ROBO2: variants seen among roughly 807,000 people sequenced by gnomAD.
ROBO2 encodes roundabout guidance receptor 2.
Under a neutral mutation model 160.8 loss-of-function variants are expected in ROBO2, and 53 were observed. That is an observed-to-expected ratio of 0.33 (90% confidence interval 0.26 to 0.41). The LOEUF is 0.41. Ranked by LOEUF, ROBO2 falls within the 10% of genes least tolerant of loss-of-function variation. ROBO2 has a pLI of 1.00. For synonymous variants in ROBO2, 664 were observed against 611.7 expected, an observed-to-expected ratio of 1.09 and a Z score of -1.26; for missense variants, 1,577 against 1,722.4, an observed-to-expected ratio of 0.92 and a Z score of 1.49.
rs148161107 is a variant in ROBO2 at position 76,410,664 on chromosome 3, G to A, written c.109+473062G>A. Among the ~76,000 whole-genome samples the A allele has an allele frequency of 9.2e-5, 14 of 152,236 alleles. No homozygotes were observed. The South Asian group carries it at 1.5e-3, about 16-fold the overall frequency. On this transcript the variant is annotated intron_variant, in intron 2 of 26. Coordinates refer to the ROBO2 transcript ENST00000487694. ...AATATAAGTTTGAACACCCGATTATGTAGAAGAAGAGAAATGTTTCTGCTT... is the reference window on the plus strand; with the variant it reads ...AATATAAGTTTGAACACCCGATTATATAGAAGAAGAGAAATGTTTCTGCTT...
intron 2 of ROBO2, among the ~76,000 whole-genome samples, chr3:77,475,135 C>CT (rs1044576818): frequency 1.1e-4 from 17 of 151,946 alleles, no homozygotes; most frequent in Admixed American, 7.2e-4. Context: ...AATGATATCA[C>CT]TAAACACAAA....
intron 2 of ROBO2, among the ~76,000 whole-genome samples, chr3:76,287,300 CTT>C (rs34290531): frequency 7.7e-5 from 11 of 141,946 alleles, no homozygotes; most frequent in Admixed American, 2.1e-4. Flanking sequence ...TTTTTCTTTT[CTT>C]TTTTTTTTTT....
intron 2 of ROBO2, among the ~76,000 whole-genome samples, chr3:76,746,113 T>C (rs1262543215): frequency 6.6e-6 from 1 of 151,804 alleles, no homozygotes; most frequent in African/African-American, 2.4e-5. Flanking sequence ...GATAGTTTAC[T>C]GAGAATGATG....
At chr3:77,422,820 G>A (rs971609802) in intron 2 of ROBO2, among the ~76,000 whole-genome samples, 7 of 152,090 alleles carry the variant, frequency 4.6e-5, no homozygotes, top group African/African-American at 1.7e-4. Context: ...AGAAGGCATA[G>A]AAAATAATGT....
At chr3:76,788,112 G>A (rs1374495856) in intron 2 of ROBO2, among the ~76,000 whole-genome samples, 1 of 150,892 alleles carries the variant, frequency 6.6e-6, no homozygotes, top group Non-Finnish European at 1.5e-5. Flanking sequence ...TAATAGAGCA[G>A]AAGGGAAATA....
At chr3:76,639,328 ATATG>A (rs1377555829) in intron 2 of ROBO2, among the ~76,000 whole-genome samples, 1 of 151,880 alleles carries the variant, frequency 6.6e-6, no homozygotes, top group African/African-American at 2.4e-5. Flanking sequence ...GGACATGTAT[ATATG>A]TGTGTGTGTA....
At chr3:77,355,757 GA>G (rs1320286715) in intron 2 of ROBO2, among the ~76,000 whole-genome samples, 4 of 151,960 alleles carry the variant, frequency 2.6e-5, no homozygotes, top group African/African-American at 9.7e-5. Context: ...ACAAAACGTG[GA>G]GAAAAATTAC....
At chr3:77,204,691 C>T (rs2083248926) in intron 2 of ROBO2, among the ~76,000 whole-genome samples, 1 of 152,186 alleles carries the variant, frequency 6.6e-6, no homozygotes, top group Non-Finnish European at 1.5e-5. Flanking sequence ...AGTGGGCCAC[C>T]TGACAGCATG....
At chr3:76,794,099 G>T (rs187060499) in intron 2 of ROBO2, among the ~76,000 whole-genome samples, 1 of 151,782 alleles carries the variant, frequency 6.6e-6, no homozygotes, top group African/African-American at 2.4e-5. Flanking sequence ...CTTAAACAGC[G>T]AAAAGTTTCA....
chr3:77,609,542 T>G (rs1041337402), intron 21 of ROBO2, among the ~76,000 whole-genome samples: 3 of 151,722 alleles, frequency 2.0e-5, no homozygotes, highest in African/African-American at 7.2e-5. Context: ...TTTGGAGGGT[T>G]TTTTTTCCCA....
intron 2 of ROBO2, among the ~76,000 whole-genome samples, chr3:76,884,274 T>A (rs189951932): frequency 1.3e-5 from 2 of 152,354 alleles, no homozygotes; most frequent in Admixed American, 1.3e-4. Context: ...GAAGACTATA[T>A]AAATTGTTAA....
intron 2 of ROBO2, among the ~76,000 whole-genome samples, chr3:76,866,333 T>C (rs548257456): frequency 1.7e-4 from 26 of 152,172 alleles, no homozygotes; most frequent in Non-Finnish European, 3.2e-4. Context: ...GCTATTTGTA[T>C]TTGCCATGGT....
rs1221479247 is a variant in ROBO2, at chr3:77,316,689, A to C, written c.389-160725A>C. 4 of 750,330 alleles carry C rather than the reference A, an allele frequency of 5.3e-6. No individual in the cohort carries two copies. In the Admixed American group the frequency reaches 7.4e-5, roughly 14 times the overall value. 46.5% of individuals were successfully genotyped at this position (750,330 alleles called of 1,614,324 possible). The stretch of plus-strand genomic sequence containing the variant: ...CCAGTCATACAATATTAAAAGGTAC[A>C]CTAAATTCTGAAGGTAGCTATGCTG... On this transcript the variant is annotated intron_variant, in intron 2 of 25. Transcript: ENST00000461745.
intron 2 of ROBO2, among the ~76,000 whole-genome samples, chr3:76,281,596 C>T (rs1215410008): frequency 6.6e-6 from 1 of 150,832 alleles, no homozygotes; most frequent in Non-Finnish European, 1.5e-5. Flanking sequence ...CTAACTTATC[C>T]TGTGTGTGAC....
chr3:77,553,566 C>A (rs754331407), intron 8 of ROBO2, among the ~76,000 whole-genome samples: 11 of 151,852 alleles, frequency 7.2e-5, no homozygotes, highest in Non-Finnish European at 1.5e-4. Context: ...GTTATGCATG[C>A]AAAGGAAAAG....
intron 2 of ROBO2, among the ~76,000 whole-genome samples, chr3:76,028,201 A>C (rs2107692809): frequency 6.6e-6 from 1 of 151,746 alleles, no homozygotes; most frequent in South Asian, 2.1e-4. Flanking sequence ...GAAAGAAATA[A>C]AATACATGCT....
At chr3:77,525,487 G>A (rs1463643997) in intron 6 of ROBO2, among the ~76,000 whole-genome samples, 3 of 149,744 alleles carry the variant, frequency 2.0e-5, no homozygotes, top group Non-Finnish European at 3.0e-5. Flanking sequence ...CTTGGCAAAT[G>A]TAAAATTAGG....
intron 6 of ROBO2, among the ~76,000 whole-genome samples, chr3:77,526,019 T>C (rs376013286): frequency 2.2e-4 from 33 of 151,504 alleles, no homozygotes; most frequent in African/African-American, 8.0e-4. Context: ...TAGTCAATCT[T>C]GTATTCTGCC....
At chr3:76,932,242 T>C (rs978170257) in intron 2 of ROBO2, among the ~76,000 whole-genome samples, 12 of 152,154 alleles carry the variant, frequency 7.9e-5, no homozygotes, top group African/African-American at 2.7e-4. Flanking sequence ...AAACAAAAGT[T>C]GGAAAAATAT....
Sources: gnomAD v4.1 joint callset for allele counts (sites outside exome capture counted in the v4.1 genomes callset) on GRCh38, gnomAD v4.1.1 for gene constraint, MANE v1.5 for transcripts, NCBI Gene and HGNC (gene_info 2026-07-23, HGNC 2026-07-21) for gene names.